Variants in STAG2 observed in about 807,000 individuals in gnomAD.
STAG2 encodes cohesin subunit SA-2.
A neutral mutation model predicts 108.1 loss-of-function variants in STAG2; 14 were observed. The ratio of observed to expected loss-of-function variants is 0.13; its 90% CI spans 0.09 to 0.20. STAG2 has a LOEUF of 0.20. Among genes scored for constraint, STAG2 ranks in the 10% least tolerant of loss-of-function variants. The pLI, the probability that STAG2 is intolerant of heterozygous loss-of-function variation, is 1.00. For synonymous variants in STAG2, 307 were observed against 302.7 expected, an observed-to-expected ratio of 1.01 and a Z score of -0.15; for missense variants, 440 against 940.9, an observed-to-expected ratio of 0.47 and a Z score of 6.96.
chrX:123,960,900 G>C (rs2053818376), upstream of STAG2: 1 of 112,010 alleles, frequency 8.9e-6, no homozygotes, highest in African/African-American at 3.3e-5. Context: ...GAAGCTTCTA[G>C]AAGTTTGGAG....
chrX:123,999,369 A>G (rs2055913813), intron 1 of STAG2, among the ~76,000 whole-genome samples: 1 of 111,044 alleles, frequency 9.0e-6, no homozygotes, highest in Non-Finnish European at 1.9e-5. Context: ...AACATGTATC[A>G]TATCTGGTTT....
chrX:123,990,986 G>C (rs185419736), intron 1 of STAG2, among the ~76,000 whole-genome samples: 1 of 112,032 alleles, frequency 8.9e-6, no homozygotes, highest in East Asian at 2.8e-4. Context: ...TCCTTTCCCA[G>C]AAGAGCTACT....
intron 1 of STAG2, among the ~76,000 whole-genome samples, chrX:124,012,136 A>G (rs997164261): frequency 1.8e-5 from 2 of 112,164 alleles, no homozygotes; most frequent in South Asian, 7.3e-4. Context: ...CATTTCAGCA[A>G]TAAATCTCAC....
At chrX:124,004,248 C>T in intron 1 of STAG2, among the ~76,000 whole-genome samples, 1 of 111,755 alleles carries the variant, frequency 8.9e-6, no homozygotes, top group Non-Finnish European at 1.9e-5. Flanking sequence ...TCCCTCCTAA[C>T]CCCACTCATA....
intron 27 of STAG2, among the ~76,000 whole-genome samples, chrX:124,080,271 C>T (rs991440790): frequency 9.0e-6 from 1 of 111,239 alleles, no homozygotes; most frequent in African/African-American, 3.3e-5. Context: ...AAGTCTCAGC[C>T]TCCCCCAACC....
intron 9 of STAG2, 29 bp from the exon 10 acceptor site, chrX:124,048,976 T>G: frequency 8.8e-7 from 1 of 1,141,413 alleles, no homozygotes; most frequent in Non-Finnish European, 1.2e-6. Flanking sequence ...TCCTTTACAA[T>G]TGAAAAGAAA....
Position 124,094,023 on chromosome X carries a change from G to A in STAG2, c.3584G>A (p.Arg1195His), listed in dbSNP as rs1430304708. Residue 1195 changes from arginine (R) to histidine (H), a missense_variant, in exon 33 of 35, where the codon CGT (arginine) becomes CAT (histidine). Physicochemically the swap from Arg to His is conservative, Grantham distance 29 (BLOSUM62 0). Coordinates refer to ENST00000371145, the MANE Select transcript of STAG2 (RefSeq NM_001042750.2). The stretch of plus-strand genomic sequence containing the variant: ...TTTGTTTTATATTTCTCTAGTCGGC[G>A]TGGCACAAGCCTAATGGAAGATGAT... Reference protein sequence around the residue: ...LRTNLQHAIRRGTSLMEDDEE... With the variant: ...LRTNLQHAIRHGTSLMEDDEE... 7 of 1,210,205 alleles carry A rather than the reference G, an allele frequency of 5.8e-6. No individual in the cohort carries two copies. The highest frequency in any genetic ancestry group is 1.8e-5 in the South Asian group (1 of 56,794).
intron 20 of STAG2, among the ~76,000 whole-genome samples, chrX:124,064,892 T>C (rs1490127527): frequency 1.8e-5 from 2 of 111,672 alleles, no homozygotes; most frequent in African/African-American, 6.5e-5. Context: ...TGTTATTTTT[T>C]CCAGAAATAT....
At chrX:123,969,784 TACAGGCGC>T (rs2147517683) in intron 1 of STAG2, among the ~76,000 whole-genome samples, 1 of 109,148 alleles carries the variant, frequency 9.2e-6, no homozygotes, top group East Asian at 2.9e-4. Context: ...TAGCTGGGAC[TACAGGCGC>T]GTACCACCAC....
At chrX:123,994,375 A>G (rs923704595) in intron 1 of STAG2, among the ~76,000 whole-genome samples, 1 of 111,382 alleles carries the variant, frequency 9.0e-6, no homozygotes, top group Admixed American at 9.6e-5. Flanking sequence ...TTACCTCCCA[A>G]CACAGCCACG....
At chrX:124,033,542 G>A (rs1452674804) in intron 5 of STAG2, among the ~76,000 whole-genome samples, 3 of 111,419 alleles carry the variant, frequency 2.7e-5, no homozygotes, top group East Asian at 2.8e-4. Context: ...TAGGTGGATC[G>A]CCTGAGGTCA....
chrX:123,986,993 T>A lies in STAG2; in HGVS notation c.-163+25137T>A, dbSNP rs762072138. On this transcript the variant is annotated intron_variant, in intron 1 of 34. Transcript: ENST00000371145. ...CATGTCCAGCTACTTAAAAAAAAAT[T>A]TTTTTTTTAATTTTTTTTAGACGGA... 1.0e-4 allele frequency among the ~76,000 whole-genome samples: 11 copies of A among 109,532 alleles called. No homozygotes were observed. In the East Asian group the frequency reaches 2.9e-3, roughly 29 times the overall value.
chrX:124,045,723 T>A (rs970535009), intron 8 of STAG2, among the ~76,000 whole-genome samples: 3 of 111,322 alleles, frequency 2.7e-5, no homozygotes, highest in African/African-American at 9.8e-5. Context: ...AAAAATACCA[T>A]GCCACAAGAA....
At chrX:124,060,087 C>T in intron 15 of STAG2, among the ~76,000 whole-genome samples, 1 of 111,778 alleles carries the variant, frequency 8.9e-6, no homozygotes, top group Non-Finnish European at 1.9e-5. Flanking sequence ...ACACCCCCTC[C>T]TCCCCCCGCC....
chrX:124,097,045 G>C (rs1425762003), intron 34 of STAG2, among the ~76,000 whole-genome samples: 1 of 110,046 alleles, frequency 9.1e-6, no homozygotes, highest in Non-Finnish European at 1.9e-5. Flanking sequence ...TGGGCATGAA[G>C]ATGCATACCT....
intron 5 of STAG2, among the ~76,000 whole-genome samples, chrX:124,037,233 G>A (rs1163854109): frequency 9.0e-6 from 1 of 111,686 alleles, no homozygotes; most frequent in African/African-American, 3.3e-5. Context: ...TAATGTCACT[G>A]AGAAATCATA....
chrX:124,051,582 ATTCTTTTTTTT>A (rs774796361), intron 13 of STAG2, among the ~76,000 whole-genome samples, 188 bp downstream of exon 13: 18 of 110,118 alleles, frequency 1.6e-4, no homozygotes, highest in African/African-American at 3.3e-4. Flanking sequence ...GAATATGGAA[ATTCTTTTTTTT>A]TTCTTTTTTT....
In STAG2 at chrX:124,100,825, A is replaced by G. The variant is rs1297354647; in HGVS notation, c.*228A>G. 1.1e-5 allele frequency: 3 copies of G among 283,719 alleles called. No individual in the cohort carries two copies. Among genetic ancestry groups the G allele is most frequent in the Non-Finnish European group, 1.9e-5 (3 of 159,835 alleles). 23.4% of individuals were successfully genotyped at this position (283,719 alleles called of 1,213,427 possible). ...AAGCTACAGTTTTTCTTAGAAAGTAAATATTTTATTTATGCGCTGTTAGTT... is the reference window on the plus strand; with the variant it reads ...AAGCTACAGTTTTTCTTAGAAAGTAGATATTTTATTTATGCGCTGTTAGTT... On this transcript the variant is annotated 3_prime_UTR_variant, in exon 35 of 35. Transcript: ENST00000371145.
intron 13 of STAG2, among the ~76,000 whole-genome samples, chrX:124,053,730 A>G (rs780873462): frequency 1.7e-4 from 19 of 111,977 alleles, no homozygotes; most frequent in African/African-American, 5.8e-4. Context: ...CACAAAAGCT[A>G]GATATAAAAG....
Sources: gnomAD v4.1 joint callset for allele counts (sites outside exome capture counted in the v4.1 genomes callset) on GRCh38, gnomAD v4.1.1 for gene constraint, MANE v1.5 for transcripts, NCBI Gene and HGNC (gene_info 2026-07-23, HGNC 2026-07-21) for gene names.